Variants in SLC9A7 observed in about 807,000 individuals in gnomAD.
SLC9A7 encodes solute carrier family 9 member A7, also known as sodium/hydrogen exchanger 7.
Under a neutral mutation model 52.6 loss-of-function variants are expected in SLC9A7, and 19 were observed. The observed-to-expected ratio is 0.36, with a 90% CI of 0.25 to 0.53. SLC9A7 has a LOEUF of 0.53. Among genes scored for constraint, SLC9A7 ranks in the 20% least tolerant of loss-of-function variants. The probability of loss-of-function intolerance (pLI) is 0.91; values close to 1 mark genes in which losing one functional copy is unlikely to be tolerated. For synonymous variants in SLC9A7, 226 were observed against 252.1 expected, an observed-to-expected ratio of 0.90 and a Z score of 0.98; for missense variants, 455 against 597.9, an observed-to-expected ratio of 0.76 and a Z score of 2.49.
In SLC9A7 at chrX:46,607,182, C is replaced by T; in HGVS notation, c.1951G>A (p.Glu651Lys). ...VYDNQEPLRE[E>K]DSDFILTEGD... ...TCGGTCAGGATGAAATCAGAGTCTT[C>T]CTCTCTCAGTGGCTCTTGGTTCTGA... The change falls in exon 17 of 17, where the codon GAA becomes AAA. Residue 651 changes from glutamate to lysine, a missense_variant. Glu to Lys is a moderately conservative substitution (Grantham distance 56, BLOSUM62 1). Transcript: ENST00000616978. 1 of 1,210,744 alleles carries T rather than the reference C, an allele frequency of 8.3e-7. No individual in the cohort carries two copies. The highest frequency in any genetic ancestry group is 1.1e-6 in the Non-Finnish European group (1 of 895,090).
At chrX:46,690,844 C>T (rs1045916870) in intron 1 of SLC9A7, among the ~76,000 whole-genome samples, 3 of 111,849 alleles carry the variant, frequency 2.7e-5, no homozygotes, top group Admixed American at 9.6e-5. Context: ...TGCTCCAGCA[C>T]CATTTGTTAA....
rs777942981 is a variant in SLC9A7, at chrX:46,694,655, CAG to C, written c.326-12122_326-12121del. On this transcript the variant is annotated intron_variant, in intron 1 of 16. Transcript: ENST00000616978. The stretch of plus-strand genomic sequence containing the variant: ...CTGCTGGTGGGAATGTATAATTGTG[CAG>C]CCACTTTGGAAAACAGTTTGCAGTT... Among the ~76,000 whole-genome samples, 737 of 111,880 alleles carry C rather than the reference CAG, an allele frequency of 6.6e-3. 6 individuals carry two copies. Among genetic ancestry groups the C allele is most frequent in the African/African-American group, 0.023 (706 of 30,800 alleles).
chrX:46,726,448 T>C (rs1944947337), intron 1 of SLC9A7, among the ~76,000 whole-genome samples: 1 of 111,504 alleles, frequency 9.0e-6, no homozygotes, highest in African/African-American at 3.3e-5. Context: ...CCCCAGACCA[T>C]GTGCCAGAAC....
chrX:46,670,463 T>C (rs1944000380), intron 4 of SLC9A7, among the ~76,000 whole-genome samples: 1 of 111,399 alleles, frequency 9.0e-6, no homozygotes, highest in African/African-American at 3.3e-5. Context: ...AAAGGTCTAG[T>C]ACATGTTACA....
intron 7 of SLC9A7, among the ~76,000 whole-genome samples, chrX:46,655,841 C>A (rs973785907): frequency 8.9e-6 from 1 of 112,603 alleles, no homozygotes; most frequent in African/African-American, 3.2e-5. Context: ...ACAAAGCAGC[C>A]GGGAAGCTCG....
chrX:46,615,823 A>T (rs1438978066), intron 15 of SLC9A7, among the ~76,000 whole-genome samples: 3 of 110,533 alleles, frequency 2.7e-5, no homozygotes, highest in African/African-American at 9.9e-5. Flanking sequence ...TTCTTGATTT[A>T]TAAACTTTAG....
intron 12 of SLC9A7, among the ~76,000 whole-genome samples, chrX:46,638,186 A>C (rs1173205909): frequency 1.8e-5 from 2 of 112,370 alleles, no homozygotes; most frequent in African/African-American, 6.5e-5. Flanking sequence ...CATGGCCATC[A>C]CACCACAAGC....
At chrX:46,704,322 T>G (rs1383777751) in intron 1 of SLC9A7, among the ~76,000 whole-genome samples, 1 of 112,451 alleles carries the variant, frequency 8.9e-6, no homozygotes, top group Non-Finnish European at 1.9e-5. Flanking sequence ...AATGAAATAA[T>G]GAACATCAAA....
intron 15 of SLC9A7, among the ~76,000 whole-genome samples, chrX:46,620,475 C>T (rs962663387): frequency 1.8e-5 from 2 of 111,249 alleles, no homozygotes; most frequent in South Asian, 3.8e-4. Context: ...GAGGGTTTAA[C>T]ATTTTGGTTT....
intron 7 of SLC9A7, among the ~76,000 whole-genome samples, chrX:46,659,325 C>T (rs1372513843): frequency 1.0e-5 from 1 of 99,018 alleles, no homozygotes; most frequent in Non-Finnish European, 2.0e-5. Flanking sequence ...GACAGGGATG[C>T]CCTCTCTCAC....
At chrX:46,639,556 C>T (rs1203395873) in intron 12 of SLC9A7, among the ~76,000 whole-genome samples, 1 of 110,529 alleles carries the variant, frequency 9.0e-6, no homozygotes, top group Non-Finnish European at 1.9e-5. Context: ...GCTGGGATTA[C>T]AGATGTGAGC....
chrX:46,660,247 G>T (rs1197312926), intron 7 of SLC9A7, among the ~76,000 whole-genome samples: 1 of 110,757 alleles, frequency 9.0e-6, no homozygotes, highest in Non-Finnish European at 1.9e-5. Flanking sequence ...TTAAATGTTA[G>T]ACCTAAAACC....
intron 1 of SLC9A7, among the ~76,000 whole-genome samples, chrX:46,699,161 A>G (rs184117482): frequency 8.9e-6 from 1 of 112,313 alleles, no homozygotes; most frequent in African/African-American, 3.2e-5. Flanking sequence ...TACACCATCA[A>G]TTTTAAGTAG....
chrX:46,725,360 A>G lies in SLC9A7; in HGVS notation c.325+33345T>C, dbSNP rs1445724157. ...CATCTTCATCCAGTTCTGGTGTGCC[A>G]TAACTGCGACTCAGTGCTTCTTGGA... On this transcript the variant is annotated intron_variant, in intron 1 of 16. Transcript: ENST00000616978. The G allele has an allele frequency of 1.2e-4, 146 of 1,194,074 alleles. 1 individual carries two copies. The South Asian group carries it at 2.3e-3, about 19-fold the overall frequency.
At chrX:46,668,428 G>C (rs745972041) in intron 5 of SLC9A7, among the ~76,000 whole-genome samples, 1 of 111,493 alleles carries the variant, frequency 9.0e-6, no homozygotes, top group East Asian at 2.8e-4. Context: ...AGAGGAGGCA[G>C]AGGCGGAGGC....
At chrX:46,688,198 G>A (rs1302218693) in intron 1 of SLC9A7, among the ~76,000 whole-genome samples, 2 of 111,951 alleles carry the variant, frequency 1.8e-5, no homozygotes, top group East Asian at 5.5e-4. Context: ...ACCTAGGAGT[G>A]GAACTGCTGT....
At chrX:46,659,899 A>C in intron 7 of SLC9A7, among the ~76,000 whole-genome samples, 1 of 105,234 alleles carries the variant, frequency 9.5e-6, no homozygotes, top group Non-Finnish European at 1.9e-5. Flanking sequence ...GAACCAAAAA[A>C]GAGCCTGCAT....
chrX:46,689,844 C>T (rs1401623385), intron 1 of SLC9A7, among the ~76,000 whole-genome samples: 1 of 110,612 alleles, frequency 9.0e-6, no homozygotes, highest in East Asian at 2.8e-4. Context: ...TTGTTCAACT[C>T]CCACTTACGA....
At chrX:46,653,776 C>A (rs1368522077) in intron 7 of SLC9A7, 62 bp from the exon 8 acceptor site, 8 of 881,470 alleles carry the variant, frequency 9.1e-6, no homozygotes, top group Non-Finnish European at 1.3e-5. Context: ...AAGAACCATA[C>A]TCCACTAGCC....
Sources: gnomAD v4.1 joint callset for allele counts (sites outside exome capture counted in the v4.1 genomes callset) on GRCh38, gnomAD v4.1.1 for gene constraint, MANE v1.5 for transcripts, NCBI Gene and HGNC (gene_info 2026-07-23, HGNC 2026-07-21) for gene names.